EPHA3: variants seen among roughly 807,000 people sequenced by gnomAD.
EPHA3 encodes the protein ephrin type-A receptor 3.
A neutral mutation model predicts 107.1 loss-of-function variants in EPHA3; 42 were observed. The observed-to-expected ratio is 0.39, with a 90% CI of 0.31 to 0.51. The LOEUF (loss-of-function observed/expected upper bound fraction) is 0.51, where lower values mean the gene tolerates loss of function less well. Ranked by LOEUF, EPHA3 falls within the 20% of genes least tolerant of loss-of-function variation. The pLI is 0.78. For missense variants in EPHA3, 1,183 were observed against 1,211.2 expected (o/e 0.98, Z 0.35); for synonymous variants, 461 against 424.8 (o/e 1.09, Z -1.05).
At chr3:89,341,631 C>G in intron 4 of EPHA3, 124 bp from the exon 5 acceptor site, 1 of 778,268 alleles carries the variant, frequency 1.3e-6, no homozygotes, top group South Asian at 1.9e-5. Context: ...TAAGGATGAA[C>G]TGAAAGTTGA....
intron 15 of EPHA3, among the ~76,000 whole-genome samples, chr3:89,466,945 A>AT (rs1411599552): frequency 2.6e-5 from 4 of 152,018 alleles, no homozygotes; most frequent in African/African-American, 9.7e-5. Flanking sequence ...AACTTCAAAG[A>AT]TTTTTGTCCT....
chr3:89,113,059 AT>A (rs1707151368), intron 1 of EPHA3, among the ~76,000 whole-genome samples: 2 of 152,144 alleles, frequency 1.3e-5, no homozygotes, highest in African/African-American at 4.8e-5. Context: ...CGGAAGGTCA[AT>A]AAAGGGCTTT....
intron 2 of EPHA3, among the ~76,000 whole-genome samples, chr3:89,138,006 G>T (rs1009728987): frequency 1.3e-5 from 2 of 151,832 alleles, no homozygotes; most frequent in African/African-American, 4.8e-5. Flanking sequence ...GGATTCTGAT[G>T]CTACTCAAGT....
At chr3:89,298,233 A>T (rs1706406968) in intron 3 of EPHA3, among the ~76,000 whole-genome samples, 1 of 152,106 alleles carries the variant, frequency 6.6e-6, no homozygotes, top group African/African-American at 2.4e-5. Flanking sequence ...GCACTCTGCT[A>T]AAAACTGAAG....
At chr3:89,221,749 C>A (rs1704382179) in intron 3 of EPHA3, among the ~76,000 whole-genome samples, 1 of 152,066 alleles carries the variant, frequency 6.6e-6, no homozygotes, top group African/African-American at 2.4e-5. Flanking sequence ...TGTCACAATG[C>A]CAGAATGTAA....
At chr3:89,231,462 T>C (rs1473804571) in intron 3 of EPHA3, among the ~76,000 whole-genome samples, 1 of 152,216 alleles carries the variant, frequency 6.6e-6, no homozygotes, top group Non-Finnish European at 1.5e-5. Context: ...GTTTGCTATT[T>C]GCCTTTTTCC....
chr3:89,136,700 C>T (rs1704323503), intron 2 of EPHA3, among the ~76,000 whole-genome samples: 1 of 151,776 alleles, frequency 6.6e-6, no homozygotes, highest in Non-Finnish European at 1.5e-5. Context: ...TTTATTTCCT[C>T]CAGCTTTACT....
At chr3:89,407,833 G>C (rs1207267475) in intron 8 of EPHA3, among the ~76,000 whole-genome samples, 1 of 152,108 alleles carries the variant, frequency 6.6e-6, no homozygotes, top group South Asian at 2.1e-4. Flanking sequence ...GAACTGGAGG[G>C]TCTGCACAGT....
intron 1 of EPHA3, among the ~76,000 whole-genome samples, chr3:89,108,285 C>T (rs1707020538): frequency 6.6e-6 from 1 of 152,050 alleles, no homozygotes; most frequent in African/African-American, 2.4e-5. Context: ...TACTTGGGAT[C>T]ATGGCATTTA....
intron 2 of EPHA3, among the ~76,000 whole-genome samples, chr3:89,184,867 C>T (rs1189036915): frequency 1.3e-5 from 2 of 151,968 alleles, no homozygotes; most frequent in East Asian, 3.9e-4. Context: ...AACTACTGCT[C>T]CCAGGACTAA....
intron 2 of EPHA3, among the ~76,000 whole-genome samples, chr3:89,143,644 C>A (rs1456476116): frequency 6.6e-6 from 1 of 151,466 alleles, no homozygotes; most frequent in Non-Finnish European, 1.5e-5. Context: ...TACAGAGTTG[C>A]CATTCTCTCC....
At chr3:89,308,220 G>GA (rs1576302648) in intron 3 of EPHA3, among the ~76,000 whole-genome samples, 1 of 152,054 alleles carries the variant, frequency 6.6e-6, no homozygotes, top group African/African-American at 2.4e-5. Flanking sequence ...AGAAGAGTAC[G>GA]AAAAAATCCT....
chr3:89,179,618 C>A (rs1705393959), intron 2 of EPHA3, among the ~76,000 whole-genome samples: 1 of 151,202 alleles, frequency 6.6e-6, no homozygotes, highest in South Asian at 2.1e-4. Context: ...AGCCTTTGAG[C>A]CCAATGCTAA....
intron 3 of EPHA3, among the ~76,000 whole-genome samples, chr3:89,221,914 GAA>G (rs1207080918): frequency 1.3e-5 from 2 of 151,768 alleles, no homozygotes; most frequent in Non-Finnish European, 2.9e-5. Context: ...TAAGAGTTGA[GAA>G]AAAAAAGATT....
At chr3:89,289,726 CAGAG>C (rs542056556) in intron 3 of EPHA3, among the ~76,000 whole-genome samples, 18 of 152,108 alleles carry the variant, frequency 1.2e-4, no homozygotes, top group Non-Finnish European at 2.2e-4. Flanking sequence ...CAAGGGGTGA[CAGAG>C]AGAGTTGAGA....
chr3:89,192,657 C>A (rs971395171), intron 2 of EPHA3, among the ~76,000 whole-genome samples: 5 of 151,988 alleles, frequency 3.3e-5, no homozygotes, highest in African/African-American at 1.2e-4. Context: ...TGGTTTTCTT[C>A]AATGTAATCC....
intron 2 of EPHA3, among the ~76,000 whole-genome samples, chr3:89,177,095 C>T (rs1390010313): frequency 3.3e-5 from 5 of 151,886 alleles, no homozygotes; most frequent in South Asian, 2.1e-4. Flanking sequence ...TGTGTGTGCA[C>T]GTGTGTATGT....
At chr3:89,259,169 G>T (rs1429640619) in intron 3 of EPHA3, among the ~76,000 whole-genome samples, 1 of 152,104 alleles carries the variant, frequency 6.6e-6, no homozygotes, top group Non-Finnish European at 1.5e-5. Flanking sequence ...GCAAGAGTTT[G>T]CATGATCTGC....
chr3:89,309,120 G>A (rs1706702529), intron 3 of EPHA3, among the ~76,000 whole-genome samples: 1 of 152,122 alleles, frequency 6.6e-6, no homozygotes, highest in Non-Finnish European at 1.5e-5. Context: ...GCTGAGTGAA[G>A]AAAAAGAGCC....
Sources: gnomAD v4.1 joint callset for allele counts (sites outside exome capture counted in the v4.1 genomes callset) on GRCh38, gnomAD v4.1.1 for gene constraint, MANE v1.5 for transcripts, NCBI Gene and HGNC (gene_info 2026-07-23, HGNC 2026-07-21) for gene names.